UBA3: variants seen among roughly 807,000 people sequenced by gnomAD.
UBA3 encodes the protein ubiquitin like modifier activating enzyme 3.
Under a neutral mutation model 73.5 loss-of-function variants are expected in UBA3, and 26 were observed. The observed-to-expected ratio is 0.35, with a 90% confidence interval of 0.26 to 0.49. The LOEUF is 0.49. Among genes scored for constraint, UBA3 ranks in the 20% least tolerant of loss-of-function variants. UBA3 has a pLI of 0.98. For missense variants in UBA3, 495 were observed against 555.6 expected, an observed-to-expected ratio of 0.89 and a Z score of 1.10; for synonymous variants, 217 against 191.2, an observed-to-expected ratio of 1.13 and a Z score of -1.11.
intron 2 of UBA3, 48 bp from the exon 3 acceptor site, chr3:69,077,966 A>C (rs1436523646): frequency 1.9e-6 from 3 of 1,604,452 alleles, no homozygotes; most frequent in African/African-American, 2.7e-5. Flanking sequence ...TATGAAAAAA[A>C]CCACACCTAC....
chr3:69,062,243 G>T, intron 9 of UBA3, 64 bp from the exon 10 acceptor site: 1 of 1,055,652 alleles, frequency 9.5e-7, no homozygotes, highest in Non-Finnish European at 1.5e-6. Flanking sequence ...GCAACTTCCA[G>T]TTATGATCTA....
intron 9 of UBA3, 83 bp from the exon 10 acceptor site, chr3:69,062,262 C>A (rs2092028078): frequency 1.2e-6 from 1 of 868,612 alleles, no homozygotes; most frequent in Non-Finnish European, 1.9e-6. Flanking sequence ...TAGTTCTTAA[C>A]AATTTCATAC....
intron 11 of UBA3, among the ~76,000 whole-genome samples, chr3:69,060,160 A>G (rs1004774410): frequency 6.6e-6 from 1 of 152,240 alleles, no homozygotes; most frequent in Non-Finnish European, 1.5e-5. Context: ...AATAAAGGAT[A>G]TAATTATCAA....
rs1575834941 is a variant in UBA3, at chr3:69,063,419, A to C, written c.537+20T>G. The C allele has an allele frequency of 1.4e-5, 23 of 1,594,112 alleles. No individual in the cohort carries two copies. The East Asian group carries it at 5.2e-4, about 36-fold the overall frequency. Reference sequence around the variant, plus strand: ...AGCAGCAAGAACTTCAGAGAACTATAACAATACTAAAGTCTTTACCAGCAT... The same window carrying C: ...AGCAGCAAGAACTTCAGAGAACTATCACAATACTAAAGTCTTTACCAGCAT... On this transcript the variant is annotated intron_variant, in intron 8 of 17. Coordinates refer to ENST00000361055, the MANE Select transcript of UBA3 (RefSeq NM_003968.4).
rs187719354 is a variant in UBA3, at chr3:69,055,018, C to A, written c.*419G>T. 6.5e-6 allele frequency: 1 copy of A among 153,146 alleles called. No individual in the cohort carries two copies. The highest frequency in any genetic ancestry group is 1.9e-4 in the East Asian group (1 of 5,224). 9.5% of individuals were successfully genotyped at this position (153,146 alleles called of 1,614,324 possible). ...CAAGAAATAGCCTATGTTCAATATA[C>A]TCCAGATGTCAGATTGTAAAATGTA... On this transcript the variant is annotated 3_prime_UTR_variant, in exon 18 of 18. Coordinates refer to ENST00000361055, the MANE Select transcript of UBA3 (RefSeq NM_003968.4).
At position 69,078,792 on chromosome 3, in the gene UBA3, G is replaced by C. The variant is rs2092192614; in HGVS notation, c.63-874C>G. 2.6e-5 allele frequency among the ~76,000 whole-genome samples: 4 copies of C among 152,164 alleles called. No homozygotes were observed. In the South Asian group the frequency reaches 8.3e-4, roughly 32 times the overall value. ...CTGGCAGAGGTCTTAATTTTTTAAA[G>C]AATCTCTTAATGCTGTGGGACGGCT... On this transcript the variant is annotated intron_variant, in intron 2 of 17. Coordinates refer to ENST00000361055, the MANE Select transcript of UBA3 (RefSeq NM_003968.4).
At chr3:69,067,887 C>T in intron 6 of UBA3, 41 bp downstream of exon 6, 1 of 1,462,624 alleles carries the variant, frequency 6.8e-7, no homozygotes, top group South Asian at 1.2e-5. Flanking sequence ...AGGAAAAAAG[C>T]TTTTAAAAAT....
Position 69,063,035 on chromosome 3 carries a change from G to C in UBA3, c.640C>G (p.Leu214Val), listed in dbSNP as rs779387193. Residue 214 changes from leucine to valine, a missense_variant, in exon 9 of 18, where the codon CTG becomes GTG. Coordinates refer to ENST00000361055, the MANE Select transcript of UBA3 (RefSeq NM_003968.4). The stretch of plus-strand genomic sequence containing the variant: ...TCGATACAAGCAGTCATTCCAGGCA[G>C]AATCACCCGGGCATTTCCTTTAAAA... ...EGFKGNARVI[L>V]PGMTACIECT... The C allele has an allele frequency of 6.2e-7, 1 of 1,614,074 alleles. No homozygotes were observed. The highest frequency in any genetic ancestry group is 2.2e-5 in the East Asian group (1 of 44,858).
intron 12 of UBA3, 58 bp from the exon 13 acceptor site, chr3:69,056,873 G>A (rs992005083): frequency 3.9e-6 from 6 of 1,556,070 alleles, no homozygotes; most frequent in Middle Eastern, 3.5e-4. Flanking sequence ...CATGTTAAAA[G>A]TCAGTTATAA....
chr3:69,075,673 A>G (rs919001620), intron 3 of UBA3, among the ~76,000 whole-genome samples, 163 bp from the exon 4 acceptor site: 39 of 152,106 alleles, frequency 2.6e-4, no homozygotes, highest in African/African-American at 9.4e-4. Context: ...TGTGAATTCT[A>G]TTGAACCAGG....
intron 2 of UBA3, among the ~76,000 whole-genome samples, chr3:69,078,207 T>C (rs1271216783): frequency 6.6e-6 from 1 of 152,176 alleles, no homozygotes; most frequent in African/African-American, 2.4e-5. Flanking sequence ...ACTTAGGATA[T>C]TGGTCTATTA....
chr3:69,063,417 A>G (rs746495160), intron 8 of UBA3, 22 bp downstream of exon 8: 13 of 1,593,252 alleles, frequency 8.2e-6, no homozygotes, highest in Admixed American at 5.5e-5. Context: ...TCAGAGAACT[A>G]TAACAATACT....
chr3:69,075,855 T>C (rs1423224743), intron 3 of UBA3, among the ~76,000 whole-genome samples: 1 of 151,986 alleles, frequency 6.6e-6, no homozygotes. Flanking sequence ...CCTCAGCTTC[T>C]CGAGTAGCTG....
chr3:69,067,165 C>T (rs1196898030), intron 6 of UBA3, among the ~76,000 whole-genome samples: 1 of 152,136 alleles, frequency 6.6e-6, no homozygotes, highest in Non-Finnish European at 1.5e-5. Context: ...GGAGAAATGA[C>T]ATCTTTACTA....
intron 14 of UBA3, 48 bp downstream of exon 14, chr3:69,056,564 A>C (rs1365837034): frequency 6.7e-7 from 1 of 1,488,960 alleles, no homozygotes; most frequent in South Asian, 1.2e-5. Flanking sequence ...AATAATATTT[A>C]AAAATCAAAA....
At chr3:69,065,541 T>C (rs904803824) in intron 6 of UBA3, among the ~76,000 whole-genome samples, 1 of 152,130 alleles carries the variant, frequency 6.6e-6, no homozygotes, top group African/African-American at 2.4e-5. Context: ...ATCCTGGGCT[T>C]AACTGATCTT....
At chr3:69,078,100 T>C (rs936482570) in intron 2 of UBA3, among the ~76,000 whole-genome samples, 182 bp from the exon 3 acceptor site, 15 of 152,254 alleles carry the variant, frequency 9.9e-5, no homozygotes, top group African/African-American at 3.4e-4. Flanking sequence ...ACAATTCATT[T>C]AAAGTTAAGA....
chr3:69,056,353 A>AATAAAAAT, intron 14 of UBA3, 70 bp from the exon 15 acceptor site: 1 of 1,263,638 alleles, frequency 7.9e-7, no homozygotes, highest in Non-Finnish European at 1.1e-6. Flanking sequence ...TGAACAATAA[A>AATAAAAAT]ATAAAAATCA....
intron 6 of UBA3, 77 bp from the exon 7 acceptor site, chr3:69,064,188 C>A: frequency 9.0e-7 from 1 of 1,113,340 alleles, no homozygotes; most frequent in Non-Finnish European, 1.3e-6. Flanking sequence ...AAGGAACACA[C>A]TCTGCATATA....
Sources: allele counts gnomAD v4.1 joint callset (sites outside exome capture counted in the v4.1 genomes callset), GRCh38; gene constraint gnomAD v4.1.1; transcripts MANE v1.5; gene names NCBI Gene and HGNC (gene_info 2026-07-23, HGNC 2026-07-21).